SLC19A3: variants seen among roughly 807,000 people sequenced by gnomAD.
SLC19A3 encodes the protein solute carrier family 19 member 3, also known as thiamine transporter 2.
SLC19A3 carries 31 observed loss-of-function variants against 40.2 expected under a neutral mutation model. The ratio of observed to expected loss-of-function variants is 0.77; its 90% CI spans 0.58 to 1.04. The LOEUF (loss-of-function observed/expected upper bound fraction) is 1.04. SLC19A3 is among the 50% of genes least tolerant of loss of function. The probability of loss-of-function intolerance (pLI) is 0.00; values close to 1 mark genes in which losing one functional copy is unlikely to be tolerated. For synonymous variants in SLC19A3, 212 were observed against 227.5 expected (o/e 0.93, Z 0.61); for missense variants, 592 against 596.7 (o/e 0.99, Z 0.08).
chr2:227,701,422 G>T (rs1695683212), intron 2 of SLC19A3, among the ~76,000 whole-genome samples: 1 of 152,148 alleles, frequency 6.6e-6, no homozygotes, highest in Non-Finnish European at 1.5e-5. Context: ...AGAAGTTCGA[G>T]ACCAGCCTGG....
At chr2:227,708,790 T>C (rs1696040804) in intron 1 of SLC19A3, among the ~76,000 whole-genome samples, 3 of 152,228 alleles carry the variant, frequency 2.0e-5, no homozygotes, top group Non-Finnish European at 1.5e-5. Context: ...GGTTTTTGTT[T>C]ATTTGTTTTT....
intron 1 of SLC19A3, chr2:227,702,797 A>AT (rs1213763935): frequency 6.0e-6 from 1 of 166,798 alleles, no homozygotes; most frequent in African/African-American, 2.4e-5. Flanking sequence ...AAAATTCACT[A>AT]ATTCCTCCAC....
rs1226635528 is a variant in SLC19A3, at chr2:227,699,301, T to A, written c.414A>T (p.Arg138Ser). 1.2e-6 allele frequency: 2 copies of A among 1,614,110 alleles called. No individual in the cohort carries two copies. Among genetic ancestry groups the A allele is most frequent in the East Asian group, 2.2e-5 (1 of 44,876 alleles). ...TGACGCTCCTGCAGTAGCCGCTCAC[T>A]CTCTGGTAGTGCTCGGGGCTGACCA... ...YSVVSPEHYQRVSGYCRSVTL... is the reference protein window; with the variant it reads ...YSVVSPEHYQSVSGYCRSVTL... Residue 138 changes from arginine (R) to serine (S), a missense_variant, in exon 3 of 6, where the codon AGA becomes AGT. Coordinates refer to ENST00000644224, the MANE Select transcript of SLC19A3 (RefSeq NM_025243.4).
rs1695030659 is a variant in SLC19A3 at position 227,686,723 on chromosome 2, C to T, written c.*674G>A. ...GTATTCTGCAAATACACAAGAGGAT[C>T]TGAAGCTATTCTTGAGGGAGACTTT... On this transcript the variant is annotated 3_prime_UTR_variant, in exon 6 of 6. Transcript: ENST00000644224. 6.6e-6 allele frequency: 1 copy of T among 152,142 alleles called. No homozygotes were observed. The highest frequency in any genetic ancestry group is 2.4e-5 in the African/African-American group (1 of 41,412). The allele number at this position is 152,142 out of a possible 1,614,324, so 9.4% of individuals were successfully genotyped here. A position where few individuals can be genotyped will look rare whatever the true frequency, so the allele number is the denominator to read the frequency against.
chr2:227,716,993 CTTTTTTTTT>C (rs61164911), intron 1 of SLC19A3, among the ~76,000 whole-genome samples: 2 of 67,140 alleles, frequency 3.0e-5, no homozygotes, highest in Middle Eastern at 0.011. Context: ...CATGAGAGTG[CTTTTTTTTT>C]TTTTTTTTTT....
At chr2:227,690,227 C>A (rs959864715) in intron 4 of SLC19A3, among the ~76,000 whole-genome samples, 4 of 151,982 alleles carry the variant, frequency 2.6e-5, no homozygotes, top group Non-Finnish European at 5.9e-5. Flanking sequence ...GACATTTTAC[C>A]TATAGAGACA....
At chr2:227,689,851 A>G in intron 4 of SLC19A3, among the ~76,000 whole-genome samples, 1 of 152,232 alleles carries the variant, frequency 6.6e-6, no homozygotes, top group Non-Finnish European at 1.5e-5. Flanking sequence ...AAAGTTAAAA[A>G]GCAGGAGGAC....
chr2:227,717,329 C>G (rs1696368841), intron 1 of SLC19A3, among the ~76,000 whole-genome samples: 2 of 152,122 alleles, frequency 1.3e-5, no homozygotes, highest in Admixed American at 1.3e-4. Flanking sequence ...AACATTATTC[C>G]TTTACCTTTT....
chr2:227,699,202 G>A lies in SLC19A3; in HGVS notation c.513C>T (p.Tyr171=), dbSNP rs1353757275. Residue 171 remains tyrosine (Y), a synonymous_variant, in exon 3 of 6, where the codon TAC becomes TAT. Coordinates refer to ENST00000644224, the MANE Select transcript of SLC19A3 (RefSeq NM_025243.4). ...CAGAGGCCAAGGATATGACGTTGAG[G>A]TAAAAGTACGACATGTTCGCCAGGG... ...LVSLANMSYF[Y]LNVISLASVS... is the part of the protein sequence containing the mutation. 1.9e-6 allele frequency: 3 copies of A among 1,614,128 alleles called. No individual in the cohort carries two copies. Among genetic ancestry groups the A allele is most frequent in the Non-Finnish European group, 2.5e-6 (3 of 1,180,038 alleles).
chr2:227,686,196 A>T lies in SLC19A3; in HGVS notation c.*1201T>A. The T allele has an allele frequency of 2.3e-6, 1 of 429,688 alleles. No homozygotes were observed. Among genetic ancestry groups the T allele is most frequent in the East Asian group, 7.7e-5 (1 of 13,010 alleles). 26.6% of individuals were successfully genotyped at this position (429,688 alleles called of 1,614,324 possible). A position where few individuals can be genotyped will look rare whatever the true frequency, so the allele number is the denominator to read the frequency against. The stretch of plus-strand genomic sequence containing the variant: ...TGGGTGAGAGAGCGAGACTGTCTCA[A>T]AAACCAAAACAAAACAAAATCAGGT... On this transcript the variant is annotated 3_prime_UTR_variant, in exon 6 of 6. Coordinates refer to ENST00000644224, the MANE Select transcript of SLC19A3 (RefSeq NM_025243.4).
intron 5 of SLC19A3, among the ~76,000 whole-genome samples, chr2:227,687,943 A>G (rs754918209): frequency 6.6e-6 from 1 of 152,228 alleles, no homozygotes; most frequent in Non-Finnish European, 1.5e-5. Context: ...CCAAGAATAA[A>G]TTTAAGCATT....
chr2:227,684,984 A>AAAAC lies in SLC19A3; in HGVS notation c.*2412_*2413insGTTT. On this transcript the variant is annotated 3_prime_UTR_variant, in exon 6 of 6. Coordinates refer to ENST00000644224, the MANE Select transcript of SLC19A3 (RefSeq NM_025243.4). ...GGTGACAGAGCAAGATTCTATCAAA[A>AAAAC]AAAAAAAAAAAAAAAAAAAAAGAAG... is the stretch of plus-strand genomic sequence containing the variant. 8.0e-6 allele frequency: 1 copy of AAAAC among 125,042 alleles called. No homozygotes were observed. The highest frequency in any genetic ancestry group is 1.5e-5 in the Non-Finnish European group (1 of 65,620). 7.7% of individuals were successfully genotyped at this position (125,042 alleles called of 1,614,324 possible). A position where few individuals can be genotyped will look rare whatever the true frequency, so the allele number is the denominator to read the frequency against.
chr2:227,701,414 A>G (rs887797116), intron 2 of SLC19A3, among the ~76,000 whole-genome samples: 3 of 152,054 alleles, frequency 2.0e-5, no homozygotes, highest in Non-Finnish European at 4.4e-5. Context: ...TTGAGGCCAG[A>G]AGTTCGAGAC....
At chr2:227,690,304 G>C (rs1032376115) in intron 4 of SLC19A3, among the ~76,000 whole-genome samples, 1 of 152,108 alleles carries the variant, frequency 6.6e-6, no homozygotes, top group Non-Finnish European at 1.5e-5. Context: ...CAAAAAAAGA[G>C]GACTTGTAGC....
At chr2:227,714,674 C>G in intron 1 of SLC19A3, 1 of 710,262 alleles carries the variant, frequency 1.4e-6, no homozygotes, top group Non-Finnish European at 1.7e-6. Flanking sequence ...CCACCCTCTT[C>G]TGCAGCCGAT....
intron 5 of SLC19A3, 62 bp from the exon 6 acceptor site, chr2:227,687,635 A>T (rs1360069899): frequency 1.3e-6 from 2 of 1,549,564 alleles, no homozygotes; most frequent in African/African-American, 1.4e-5. Flanking sequence ...ATGATAATAC[A>T]TCCTAATACT....
chr2:227,694,109 G>T (rs994562473), intron 4 of SLC19A3, among the ~76,000 whole-genome samples: 4 of 151,928 alleles, frequency 2.6e-5, no homozygotes, highest in African/African-American at 7.3e-5. Context: ...CAGGTTCAAG[G>T]GATTCTCCTG....
At chr2:227,714,887 C>T (rs114425777) in intron 1 of SLC19A3, among the ~76,000 whole-genome samples, 3,104 of 149,384 alleles carry the variant, frequency 0.021, 105 homozygotes, top group African/African-American at 0.072. Context: ...GCACAATCTC[C>T]CCACTCACCG....
intron 1 of SLC19A3, 81 bp downstream of exon 1, chr2:227,717,862 C>A (rs1696384720): frequency 1.0e-6 from 1 of 971,868 alleles, no homozygotes; most frequent in African/African-American, 1.8e-5. Flanking sequence ...CTCTCCAAAC[C>A]CGGGAAGAGA....
Sources: gnomAD v4.1 joint callset for allele counts (sites outside exome capture counted in the v4.1 genomes callset) on GRCh38, gnomAD v4.1.1 for gene constraint, MANE v1.5 for transcripts, NCBI Gene and HGNC (gene_info 2026-07-23, HGNC 2026-07-21) for gene names.